Variants in PDZRN4 observed in about 807,000 individuals in gnomAD.
The protein encoded by PDZRN4 is PDZ domain-containing RING finger protein 4.
A neutral mutation model predicts 99.0 loss-of-function variants in PDZRN4; 70 were observed. The observed-to-expected ratio is 0.71, with a 90% CI of 0.58 to 0.86. PDZRN4 has a LOEUF of 0.86. Among genes scored for constraint, PDZRN4 ranks in the 40% least tolerant of loss-of-function variants. PDZRN4 has a pLI of 0.00. For missense variants in PDZRN4, 1,474 were observed against 1,331.2 expected (o/e 1.11, Z -1.67); for synonymous variants, 551 against 501.6 (o/e 1.10, Z -1.32).
chr12:41,239,039 A>G (rs1446658825), intron 3 of PDZRN4, among the ~76,000 whole-genome samples: 2 of 152,206 alleles, frequency 1.3e-5, no homozygotes, highest in Admixed American at 6.5e-5. Flanking sequence ...CACTATTCAC[A>G]ATAGCAAAGA....
At chr12:41,502,532 C>T (rs1592087296) in intron 3 of PDZRN4, among the ~76,000 whole-genome samples, 1 of 152,064 alleles carries the variant, frequency 6.6e-6, no homozygotes, top group Admixed American at 6.6e-5. Context: ...AGTTTTGCTC[C>T]TAACCATATT....
At chr12:41,441,410 C>G (rs1952680023) in intron 3 of PDZRN4, among the ~76,000 whole-genome samples, 1 of 152,136 alleles carries the variant, frequency 6.6e-6, no homozygotes, top group Non-Finnish European at 1.5e-5. Context: ...GCTAAGAGGT[C>G]TCCCCACCAC....
chr12:41,353,031 G>A (rs1951902605), intron 3 of PDZRN4, among the ~76,000 whole-genome samples: 1 of 152,044 alleles, frequency 6.6e-6, no homozygotes, highest in African/African-American at 2.4e-5. Context: ...TCCTTAGGTT[G>A]GGTAGATCTG....
chr12:41,553,001 T>C (rs1939085179), intron 6 of PDZRN4, among the ~76,000 whole-genome samples: 1 of 152,246 alleles, frequency 6.6e-6, no homozygotes, highest in African/African-American at 2.4e-5. Flanking sequence ...GCAAAAGTGG[T>C]AACATTGTCC....
At chr12:41,561,651 T>C (rs916634061) in intron 7 of PDZRN4, among the ~76,000 whole-genome samples, 1 of 149,642 alleles carries the variant, frequency 6.7e-6, no homozygotes, top group Admixed American at 6.7e-5. Flanking sequence ...AGACCAGGAA[T>C]AAAAGAAGTG....
At chr12:41,281,527 C>A (rs1284416269) in intron 3 of PDZRN4, among the ~76,000 whole-genome samples, 2 of 152,016 alleles carry the variant, frequency 1.3e-5, no homozygotes, top group African/African-American at 4.8e-5. Flanking sequence ...ACATAAATGA[C>A]CCGATGGAGC....
intron 3 of PDZRN4, among the ~76,000 whole-genome samples, chr12:41,404,656 ACTATT>A (rs2120358980): frequency 6.6e-6 from 1 of 152,202 alleles, no homozygotes; most frequent in African/African-American, 2.4e-5. Flanking sequence ...GGAAAAAAAA[ACTATT>A]CTAAAATTCA....
rs1434372565 is a variant in PDZRN4, at chr12:41,188,880, G to C, written c.425G>C (p.Gly142Ala). Reference sequence around the variant, plus strand: ...GGTCCGACACCCAGGGCTGGCCGGGGCGGGGGCGCGCGCGGGGGGCCGCCG... The same window carrying C: ...GGTCCGACACCCAGGGCTGGCCGGGCCGGGGGCGCGCGCGGGGGGCCGCCG... ...GCGPTPRAGRGGGARGGPPGG... is the reference protein window; with the variant it reads ...GCGPTPRAGRAGGARGGPPGG... Residue 142 changes from glycine to alanine, a missense_variant, in exon 1 of 10, where the codon GGC (glycine) becomes GCC (alanine). Transcript: ENST00000402685. The C allele has an allele frequency of 2.7e-6, 3 of 1,099,440 alleles. No individual in the cohort carries two copies. Among genetic ancestry groups the C allele is most frequent in the Non-Finnish European group, 3.3e-6 (3 of 904,658 alleles). The allele number at this position is 1,099,440 out of a possible 1,614,324, so 68.1% of individuals were successfully genotyped here.
At chr12:41,347,379 A>G (rs1044457321) in intron 3 of PDZRN4, among the ~76,000 whole-genome samples, 3 of 151,948 alleles carry the variant, frequency 2.0e-5, no homozygotes, top group African/African-American at 7.3e-5. Context: ...TTTGATTTGC[A>G]TTTTGCTAAT....
chr12:41,423,250 C>A lies in PDZRN4; in HGVS notation c.844-83206C>A, dbSNP rs936477097. On this transcript the variant is annotated intron_variant, in intron 3 of 9. Transcript: ENST00000402685. ...CATGGTGGTTTGCTGCACCCATCAACCTGTCATCTACATTAGGTATTTCTC... is the reference window on the plus strand; with the variant it reads ...CATGGTGGTTTGCTGCACCCATCAAACTGTCATCTACATTAGGTATTTCTC... Among the ~76,000 whole-genome samples the A allele has an allele frequency of 3.9e-5, 6 of 152,016 alleles. No individual in the cohort carries two copies. In the South Asian group the frequency reaches 8.3e-4, roughly 21 times the overall value.
chr12:41,558,510 T>A (rs1393890471), intron 7 of PDZRN4, among the ~76,000 whole-genome samples: 1 of 152,188 alleles, frequency 6.6e-6, no homozygotes, highest in African/African-American at 2.4e-5. Context: ...TTTCATTCAT[T>A]TGTTCTGTGG....
At chr12:41,428,768 A>G (rs936338653) in intron 3 of PDZRN4, among the ~76,000 whole-genome samples, 1 of 152,176 alleles carries the variant, frequency 6.6e-6, no homozygotes. Context: ...TGCTCCTCAC[A>G]CCATTAGAAA....
chr12:41,448,320 C>T (rs1214673144), intron 3 of PDZRN4, among the ~76,000 whole-genome samples: 1 of 152,164 alleles, frequency 6.6e-6, no homozygotes, highest in Non-Finnish European at 1.5e-5. Context: ...CTTATGCCTA[C>T]AGTGCCTTTC....
chr12:41,224,716 A>G (rs1212572201), intron 3 of PDZRN4, among the ~76,000 whole-genome samples: 3 of 152,208 alleles, frequency 2.0e-5, no homozygotes, highest in African/African-American at 7.2e-5. Context: ...GAGATGGGAC[A>G]AGAAGTCAAA....
At chr12:41,354,348 T>C (rs1951912270) in intron 3 of PDZRN4, among the ~76,000 whole-genome samples, 1 of 152,010 alleles carries the variant, frequency 6.6e-6, no homozygotes, top group African/African-American at 2.4e-5. Flanking sequence ...CAACCTTGCC[T>C]CACTTATGTA....
intron 5 of PDZRN4, among the ~76,000 whole-genome samples, chr12:41,530,476 T>C (rs1233603739): frequency 6.6e-6 from 1 of 152,226 alleles, no homozygotes; most frequent in African/African-American, 2.4e-5. Flanking sequence ...TCGTGTTCAC[T>C]GCTATATGGG....
chr12:41,458,572 G>T (rs1013423355), intron 3 of PDZRN4, among the ~76,000 whole-genome samples: 1 of 152,190 alleles, frequency 6.6e-6, no homozygotes, highest in African/African-American at 2.4e-5. Flanking sequence ...AAGTAGGGCA[G>T]GAAATTTTCA....
chr12:41,362,444 C>T (rs1354176471), intron 3 of PDZRN4, among the ~76,000 whole-genome samples: 1 of 44,522 alleles, frequency 2.2e-5, no homozygotes, highest in Non-Finnish European at 9.1e-5. Flanking sequence ...ATGGAATAAG[C>T]TTGAATTTTT....
At chr12:41,254,733 C>T (rs1951192784) in intron 3 of PDZRN4, among the ~76,000 whole-genome samples, 1 of 152,176 alleles carries the variant, frequency 6.6e-6, no homozygotes, top group Non-Finnish European at 1.5e-5. Flanking sequence ...GCTGTAAGAC[C>T]ACATTGCCTA....
Sources: gnomAD v4.1 joint callset for allele counts (sites outside exome capture counted in the v4.1 genomes callset) on GRCh38, gnomAD v4.1.1 for gene constraint, MANE v1.5 for transcripts, NCBI Gene and HGNC (gene_info 2026-07-23, HGNC 2026-07-21) for gene names.